The following ITGB5 variants were observed in gnomAD, a reference collection of about 807,000 sequenced individuals.
ITGB5 encodes integrin beta-5.
Under a neutral mutation model 84.8 loss-of-function variants are expected in ITGB5, and 38 were observed. The observed-to-expected ratio is 0.45, with a 90% confidence interval of 0.35 to 0.59. ITGB5 has a LOEUF of 0.59. Among genes scored for constraint, ITGB5 ranks in the 20% least tolerant of loss-of-function variants. ITGB5 has a pLI of 0.01. For synonymous variants in ITGB5, 393 were observed against 414.4 expected, an observed-to-expected ratio of 0.95 and a Z score of 0.63; for missense variants, 905 against 1,034.5, an observed-to-expected ratio of 0.87 and a Z score of 1.72.
chr3:124,778,229 T>A (rs920333395), intron 10 of ITGB5, among the ~76,000 whole-genome samples: 9 of 152,206 alleles, frequency 5.9e-5, no homozygotes, highest in African/African-American at 2.2e-4. Context: ...ATGCAAGTTG[T>A]TATTATTAGT....
chr3:124,844,205 CAAAAAAAA>C (rs58956636), intron 4 of ITGB5, among the ~76,000 whole-genome samples: 3,255 of 86,054 alleles, frequency 0.038, 137 homozygotes, highest in African/African-American at 0.13. Flanking sequence ...TTGGTTTTGG[CAAAAAAAA>C]AAAAAAAAAA....
At chr3:124,846,114 A>G (rs1477073331) in intron 4 of ITGB5, among the ~76,000 whole-genome samples, 1 of 152,218 alleles carries the variant, frequency 6.6e-6, no homozygotes, top group African/African-American at 2.4e-5. Context: ...CAATACCTGA[A>G]AAGATCTAAG....
chr3:124,780,591 G>A (rs1432945695), intron 10 of ITGB5: 2 of 152,456 alleles, frequency 1.3e-5, no homozygotes, highest in Non-Finnish European at 2.9e-5. Flanking sequence ...CCTGAGACAG[G>A]AGGGCCGTCC....
At chr3:124,765,270 C>T (rs1475360230) in intron 13 of ITGB5, among the ~76,000 whole-genome samples, 6 of 152,168 alleles carry the variant, frequency 3.9e-5, no homozygotes, top group Non-Finnish European at 2.9e-5. Context: ...AAGGCAAAGG[C>T]TATTGGTCCC....
At chr3:124,767,602 C>G (rs2063785322) in intron 12 of ITGB5, among the ~76,000 whole-genome samples, 1 of 152,170 alleles carries the variant, frequency 6.6e-6, no homozygotes, top group Non-Finnish European at 1.5e-5. Flanking sequence ...CCCAGGTCTG[C>G]TGGCAGAACC....
chr3:124,896,314 G>A (rs1231412672), intron 1 of ITGB5, among the ~76,000 whole-genome samples: 3 of 152,180 alleles, frequency 2.0e-5, no homozygotes, highest in African/African-American at 7.2e-5. Context: ...AGTGGAGATT[G>A]ATCACTGTCC....
chr3:124,799,443 C>G (rs988334904), intron 9 of ITGB5, among the ~76,000 whole-genome samples: 6 of 152,114 alleles, frequency 3.9e-5, no homozygotes, highest in African/African-American at 1.4e-4. Flanking sequence ...GCCAGTGGTC[C>G]CAGCTACTCA....
rs944862076 is a variant in ITGB5, at chr3:124,763,098, G to A, written c.*525C>T. On this transcript the variant is annotated 3_prime_UTR_variant, in exon 15 of 15. Coordinates refer to ENST00000296181, the MANE Select transcript of ITGB5 (RefSeq NM_002213.5). ...TGTACCTTCAACAGGCATCTCAACA[G>A]CCCCATCACCAACACCTGTGTGCAA... The A allele has an allele frequency of 6.5e-6, 1 of 152,724 alleles. No individual in the cohort carries two copies. Among genetic ancestry groups the A allele is most frequent in the African/African-American group, 2.4e-5 (1 of 41,454 alleles). The allele number at this position is 152,724 out of a possible 1,614,324, so 9.5% of individuals were successfully genotyped here. A position where few individuals can be genotyped will look rare whatever the true frequency, so the allele number is the denominator to read the frequency against.
chr3:124,878,201 C>A (rs866952402), intron 1 of ITGB5, among the ~76,000 whole-genome samples: 1 of 152,158 alleles, frequency 6.6e-6, no homozygotes, highest in Non-Finnish European at 1.5e-5. Context: ...AGAGCCTCAT[C>A]ATGAGCTCTG....
At chr3:124,812,527 TC>T (rs1266237011) in intron 8 of ITGB5, among the ~76,000 whole-genome samples, 1 of 152,146 alleles carries the variant, frequency 6.6e-6, no homozygotes, top group East Asian at 1.9e-4. Flanking sequence ...TTCTGTTCGC[TC>T]CCACACTGAA....
intron 2 of ITGB5, among the ~76,000 whole-genome samples, chr3:124,864,777 C>T (rs1187253557): frequency 2.6e-5 from 4 of 152,134 alleles, no homozygotes; most frequent in African/African-American, 7.2e-5. Context: ...GTCCTCCTCA[C>T]ATGAATGACA....
intron 10 of ITGB5, among the ~76,000 whole-genome samples, chr3:124,780,219 AAGCCAC>A (rs1559929184): frequency 1.2e-4 from 17 of 136,828 alleles, no homozygotes; most frequent in African/African-American, 5.6e-4. Context: ...CCCAGGAACA[AAGCCAC>A]TGCTCCATTC....
intron 2 of ITGB5, chr3:124,862,507 A>C (rs964852411): frequency 2.0e-5 from 3 of 152,212 alleles, no homozygotes; most frequent in Non-Finnish European, 4.4e-5. Flanking sequence ...GATACTACCC[A>C]TCATTGCAGA....
chr3:124,781,771 G>A (rs1460534420), intron 10 of ITGB5, among the ~76,000 whole-genome samples: 1 of 152,114 alleles, frequency 6.6e-6, no homozygotes, highest in Admixed American at 6.5e-5. Flanking sequence ...ACCACCCCTA[G>A]AACTCAGCTT....
chr3:124,799,676 G>A (rs2064287132), intron 9 of ITGB5, among the ~76,000 whole-genome samples: 1 of 138,044 alleles, frequency 7.2e-6, no homozygotes, highest in Non-Finnish European at 1.6e-5. Context: ...GCCCTAGAAG[G>A]AAGTGTCCTC....
chr3:124,769,500 G>A (rs1008258841), intron 11 of ITGB5: 2 of 168,700 alleles, frequency 1.2e-5, no homozygotes, highest in Admixed American at 6.1e-5. Flanking sequence ...CATGGTCAGA[G>A]CTCAATGCCC....
intron 4 of ITGB5, among the ~76,000 whole-genome samples, chr3:124,842,569 G>C (rs972773590): frequency 6.6e-6 from 1 of 152,356 alleles, no homozygotes; most frequent in Non-Finnish European, 1.5e-5. Flanking sequence ...GTGGTGCAGA[G>C]TAACGGGTGA....
chr3:124,807,034 G>T (rs2064416335), intron 9 of ITGB5, among the ~76,000 whole-genome samples: 2 of 152,302 alleles, frequency 1.3e-5, no homozygotes, highest in South Asian at 4.1e-4. Flanking sequence ...CACAAAAAAA[G>T]TTCACATAAA....
intron 1 of ITGB5, among the ~76,000 whole-genome samples, chr3:124,885,952 C>T (rs1327054275): frequency 6.6e-6 from 1 of 152,202 alleles, no homozygotes; most frequent in Non-Finnish European, 1.5e-5. Flanking sequence ...CAAGAGCAAT[C>T]AAGTATCTCC....
Sources: allele counts gnomAD v4.1 joint callset (sites outside exome capture counted in the v4.1 genomes callset), GRCh38; gene constraint gnomAD v4.1.1; transcripts MANE v1.5; gene names NCBI Gene and HGNC (gene_info 2026-07-23, HGNC 2026-07-21).